DNAH7: variants seen among roughly 807,000 people sequenced by gnomAD.
The protein encoded by DNAH7 is dynein axonemal heavy chain 7.
In DNAH7, 397 loss-of-function variants were observed where a neutral mutation model predicts 444.6. That is an observed-to-expected ratio of 0.89 (90% CI 0.82 to 0.97). The LOEUF (loss-of-function observed/expected upper bound fraction) is 0.97. Among genes scored for constraint, DNAH7 ranks in the 50% least tolerant of loss-of-function variants. The pLI is 0.00. For synonymous variants in DNAH7, 1,636 were observed against 1,624.4 expected, an observed-to-expected ratio of 1.01 and a Z score of -0.17; for missense variants, 4,902 against 4,800.8, an observed-to-expected ratio of 1.02 and a Z score of -0.62.
At chr2:196,056,906 T>A (rs181009603) in intron 2 of DNAH7, among the ~76,000 whole-genome samples, 1 of 152,192 alleles carries the variant, frequency 6.6e-6, no homozygotes, top group Non-Finnish European at 1.5e-5. Flanking sequence ...TCTAATCTTG[T>A]TCCATAAAAG....
At chr2:195,972,884 T>C (rs760678128) in intron 15 of DNAH7, among the ~76,000 whole-genome samples, 5 of 152,110 alleles carry the variant, frequency 3.3e-5, no homozygotes, top group East Asian at 1.9e-4. Flanking sequence ...TGCAGTCCAG[T>C]TGGGGAGTCT....
intron 5 of DNAH7, among the ~76,000 whole-genome samples, chr2:196,043,623 G>C (rs935258273): frequency 6.6e-6 from 1 of 151,570 alleles, no homozygotes; most frequent in African/African-American, 2.4e-5. Context: ...AGAGAAAACA[G>C]ACAACCCAGA....
chr2:196,005,630 A>G (rs1694327634), intron 10 of DNAH7, among the ~76,000 whole-genome samples: 1 of 152,102 alleles, frequency 6.6e-6, no homozygotes, highest in South Asian at 2.1e-4. Context: ...GACAAATTCT[A>G]TGAAGACAAA....
chr2:195,787,108 T>C lies in DNAH7; in HGVS notation c.10780A>G (p.Lys3594Glu), dbSNP rs779705893. The change falls in exon 58 of 65, where the codon AAA becomes GAA. Residue 3594 changes from lysine (K) to glutamate (E), a missense_variant. Physicochemically the swap from Lys to Glu is moderately conservative, Grantham distance 56 (BLOSUM62 1). Coordinates refer to ENST00000312428, the MANE Select transcript of DNAH7 (RefSeq NM_018897.3). ...ATATTCCACCCTAGGGGTCCAAATT[T>C]CCGTCTTTCTTGTACCAAAGCATGA... ...FFHALVQERR[K>E]FGPLGWNIPY... 3 of 1,612,188 alleles carry C rather than the reference T, an allele frequency of 1.9e-6. No individual in the cohort carries two copies. Among genetic ancestry groups the C allele is most frequent in the Non-Finnish European group, 2.5e-6 (3 of 1,179,526 alleles).
At chr2:195,841,208 T>C (rs1698662612) in intron 47 of DNAH7, among the ~76,000 whole-genome samples, 1 of 151,526 alleles carries the variant, frequency 6.6e-6, no homozygotes, top group Admixed American at 6.6e-5. Flanking sequence ...AACAATTGTA[T>C]ATTTTCTCTC....
intron 58 of DNAH7, among the ~76,000 whole-genome samples, chr2:195,779,831 C>T (rs1258003442): frequency 6.6e-6 from 1 of 152,066 alleles, no homozygotes; most frequent in Non-Finnish European, 1.5e-5. Flanking sequence ...GCCTCGAACT[C>T]CCAGGCTCAG....
Position 195,834,353 on chromosome 2 carries a change from T to C in DNAH7, c.8953A>G (p.Arg2985Gly), listed in dbSNP as rs764495184. Reference sequence around the variant, plus strand: ...GGATCTATCATCAGAGGCCACCTTCTTGCATTCCTGAAAAGGAGGAGAAAG... The same window carrying C: ...GGATCTATCATCAGAGGCCACCTTCCTGCATTCCTGAAAAGGAGGAGAAAG... ...IDNGIIIMNARRWPLMIDPQS... is the reference protein window; with the variant it reads ...IDNGIIIMNAGRWPLMIDPQS... Residue 2985 changes from arginine (R) to glycine (G), a missense_variant, in exon 48 of 65, where the codon AGA (arginine) becomes GGA (glycine). Transcript: ENST00000312428. 5 of 1,591,200 alleles carry C rather than the reference T, an allele frequency of 3.1e-6. No individual in the cohort carries two copies. The East Asian group carries it at 6.7e-5, about 21-fold the overall frequency.
intron 19 of DNAH7, among the ~76,000 whole-genome samples, chr2:195,956,847 T>C (rs1690699344): frequency 6.6e-6 from 1 of 152,188 alleles, no homozygotes; most frequent in Non-Finnish European, 1.5e-5. Flanking sequence ...CATCTTTTTT[T>C]AGGTCCCTAC....
In DNAH7 at chr2:196,012,898, C is replaced by T. The variant is rs372305897; in HGVS notation, c.878G>A (p.Arg293His). Residue 293 changes from arginine to histidine, a missense_variant, in exon 10 of 65, where the codon CGT becomes CAT. By Grantham distance (29) the Arg-to-His change is conservative (BLOSUM62 0). Coordinates refer to ENST00000312428, the MANE Select transcript of DNAH7 (RefSeq NM_018897.3). ...DLWHTNFKKL[R>H]LVDIKEFHNC... Reference sequence around the variant, plus strand: ...ATGAAATTCTTTGATATCAACTAAACGTAATTTTCTGCAAAAGATAAAAAT... The same window carrying T: ...ATGAAATTCTTTGATATCAACTAAATGTAATTTTCTGCAAAAGATAAAAAT... 3.2e-5 allele frequency: 47 copies of T among 1,484,676 alleles called. No homozygotes were observed. The highest frequency in any genetic ancestry group is 1.5e-4 in the South Asian group (10 of 68,782). The allele number at this position is 1,484,676 out of a possible 1,614,324, so 92.0% of individuals were successfully genotyped here. A position where few individuals can be genotyped will look rare whatever the true frequency, so the allele number is the denominator to read the frequency against.
rs182912846 is a variant in DNAH7, at chr2:195,787,195, G to A, written c.10717-24C>T. 2.0e-4 allele frequency: 314 copies of A among 1,560,914 alleles called. 1 individual carries two copies. The African/African-American group carries it at 3.6e-3, about 18-fold the overall frequency. ...TCCTGTAATGAGAAGAAATGATGCCGCATCATTATTTTCTCCATATATTGC... is the reference window on the plus strand; with the variant it reads ...TCCTGTAATGAGAAGAAATGATGCCACATCATTATTTTCTCCATATATTGC... On this transcript the variant is annotated intron_variant, in intron 57 of 64. Coordinates refer to ENST00000312428, the MANE Select transcript of DNAH7 (RefSeq NM_018897.3).
At chr2:195,969,155 C>T (rs1256441848) in intron 17 of DNAH7, among the ~76,000 whole-genome samples, 1 of 152,234 alleles carries the variant, frequency 6.6e-6, no homozygotes, top group Admixed American at 6.5e-5. Flanking sequence ...ATTGTTAAAA[C>T]TTGGTTTCCT....
In DNAH7 at chr2:195,864,655, G is replaced by A. The variant is rs187261509; in HGVS notation, c.7000C>T (p.Arg2334Cys). 4.0e-4 allele frequency: 651 copies of A among 1,614,176 alleles called. 7 individuals are homozygous for A. The highest frequency in any genetic ancestry group is 7.5e-5 in the Non-Finnish European group (88 of 1,180,038). Reference sequence around the variant, plus strand: ...ACCCCTACTAGGAGAGCATGGCTGCGAGGCTGCTTCAGGATCCTGGAAATT... The same window carrying A: ...ACCCCTACTAGGAGAGCATGGCTGCAAGGCTGCTTCAGGATCCTGGAAATT... ...SRISRILKQPRSHALLVGVGG... is the reference protein window; with the variant it reads ...SRISRILKQPCSHALLVGVGG... The change falls in exon 41 of 65, where the codon CGC becomes TGC. Residue 2334 changes from arginine to cysteine, a missense_variant. Arg to Cys is a radical substitution (Grantham distance 180, BLOSUM62 -3). Coordinates refer to ENST00000312428, the MANE Select transcript of DNAH7 (RefSeq NM_018897.3).
chr2:195,751,135 T>A (rs1033371966), intron 63 of DNAH7, among the ~76,000 whole-genome samples: 16 of 152,228 alleles, frequency 1.1e-4, no homozygotes, highest in Admixed American at 1.0e-3. Flanking sequence ...TCTAGTGGGA[T>A]AAAGCTTCTT....
intron 31 of DNAH7, among the ~76,000 whole-genome samples, chr2:195,889,470 A>C (rs1701897627): frequency 6.6e-6 from 1 of 151,654 alleles, no homozygotes; most frequent in Non-Finnish European, 1.5e-5. Context: ...GCGCACCACC[A>C]CACCCAGCTA....
At chr2:195,761,686 A>G (rs1482529247) in intron 61 of DNAH7, among the ~76,000 whole-genome samples, 1 of 152,158 alleles carries the variant, frequency 6.6e-6, no homozygotes, top group African/African-American at 2.4e-5. Flanking sequence ...TGGCATATTT[A>G]AAGTGCTGAA....
At chr2:195,847,401 A>C (rs546296682) in intron 46 of DNAH7, among the ~76,000 whole-genome samples, 4 of 152,094 alleles carry the variant, frequency 2.6e-5, no homozygotes, top group Admixed American at 2.0e-4. Context: ...AAAGGAAACC[A>C]AACACTGCAT....
intron 24 of DNAH7, among the ~76,000 whole-genome samples, chr2:195,911,282 G>A (rs986999157): frequency 6.6e-6 from 1 of 152,190 alleles, no homozygotes; most frequent in Non-Finnish European, 1.5e-5. Flanking sequence ...TTTTATAAAT[G>A]AGACAATTTG....
rs1271985641 is a variant in DNAH7 at position 195,796,655 on chromosome 2, A to G, written c.10436T>C (p.Val3479Ala). 2 of 1,614,176 alleles carry G rather than the reference A, an allele frequency of 1.2e-6. No individual in the cohort carries two copies. Among genetic ancestry groups the G allele is most frequent in the South Asian group, 1.1e-5 (1 of 91,086 alleles). Reference protein sequence around the residue: ...PIAMKMLEKAVKEGTWVVLQN... With the variant: ...PIAMKMLEKAAKEGTWVVLQN... The stretch of plus-strand genomic sequence containing the variant: ...AAGAACAACCCATGTTCCTTCCTTG[A>G]CAGCTTTTTCTAACATCTTCATAGC... Residue 3479 changes from valine (V) to alanine (A), a missense_variant, in exon 56 of 65, where the codon GTC becomes GCC. Val to Ala is a moderately conservative substitution (Grantham distance 64, BLOSUM62 0). Coordinates refer to ENST00000312428, the MANE Select transcript of DNAH7 (RefSeq NM_018897.3).
intron 57 of DNAH7, among the ~76,000 whole-genome samples, chr2:195,790,504 T>C (rs1374509766): frequency 1.4e-5 from 2 of 145,334 alleles, no homozygotes; most frequent in Non-Finnish European, 1.5e-5. Flanking sequence ...CATAGACCAA[T>C]GGAAGAGAAT....
Sources: gnomAD v4.1 joint callset for allele counts (sites outside exome capture counted in the v4.1 genomes callset) on GRCh38, gnomAD v4.1.1 for gene constraint, MANE v1.5 for transcripts, NCBI Gene and HGNC (gene_info 2026-07-23, HGNC 2026-07-21) for gene names.